The following CTNNA3 variants were observed in gnomAD, a reference collection of about 807,000 sequenced individuals.
CTNNA3 encodes catenin alpha 3.
CTNNA3 carries 76 observed loss-of-function variants against 95.7 expected under a neutral mutation model. That is an observed-to-expected ratio of 0.79 (90% CI 0.66 to 0.96). CTNNA3 has a LOEUF of 0.96. Ranked by LOEUF, CTNNA3 falls within the 40% of genes least tolerant of loss-of-function variation. CTNNA3 has a pLI of 0.00. For missense variants in CTNNA3, 1,191 were observed against 1,089.8 expected (o/e 1.09, Z -1.31); for synonymous variants, 431 against 374.4 (o/e 1.15, Z -1.74).
At chr10:67,403,942 A>G (rs1338149552) in intron 5 of CTNNA3, among the ~76,000 whole-genome samples, 2 of 152,230 alleles carry the variant, frequency 1.3e-5, no homozygotes, top group Non-Finnish European at 2.9e-5. Context: ...TAGGGTCTGA[A>G]GCAGCCGCCC....
chr10:66,172,580 T>A (rs1424395511), intron 13 of CTNNA3, among the ~76,000 whole-genome samples: 1 of 152,166 alleles, frequency 6.6e-6, no homozygotes, highest in Non-Finnish European at 1.5e-5. Context: ...TGACCATTAT[T>A]TGCGAGAAAA....
intron 5 of CTNNA3, among the ~76,000 whole-genome samples, chr10:67,407,071 G>A (rs190487423): frequency 6.6e-6 from 1 of 152,122 alleles, no homozygotes. Context: ...CATTCTATGA[G>A]GCCAGCATCA....
chr10:67,364,323 T>A (rs941741625), intron 5 of CTNNA3, among the ~76,000 whole-genome samples: 1 of 152,084 alleles, frequency 6.6e-6, no homozygotes, highest in Non-Finnish European at 1.5e-5. Flanking sequence ...ATGGAATGTA[T>A]CTCATAATAA....
At chr10:66,987,093 T>G (rs1198486011) in intron 7 of CTNNA3, among the ~76,000 whole-genome samples, 1 of 152,146 alleles carries the variant, frequency 6.6e-6, no homozygotes, top group Non-Finnish European at 1.5e-5. Context: ...GTGAAGTCCT[T>G]TTAGCATTTT....
At chr10:66,957,655 C>A (rs1020512415) in intron 7 of CTNNA3, among the ~76,000 whole-genome samples, 1 of 151,570 alleles carries the variant, frequency 6.6e-6, no homozygotes, top group African/African-American at 2.4e-5. Context: ...AAAGTTAATC[C>A]AGCAAACCTT....
chr10:66,145,937 T>A (rs1157180982), intron 13 of CTNNA3, among the ~76,000 whole-genome samples: 2 of 152,126 alleles, frequency 1.3e-5, no homozygotes, highest in Non-Finnish European at 2.9e-5. Flanking sequence ...CACTGCAACT[T>A]CTATCTCCCC....
intron 7 of CTNNA3, among the ~76,000 whole-genome samples, chr10:67,095,216 T>C (rs1324051755): frequency 2.6e-5 from 4 of 151,698 alleles, no homozygotes; most frequent in African/African-American, 4.8e-5. Context: ...CATCTTACTA[T>C]GTTATTTTAT....
At position 67,756,624 on chromosome 10, in the gene CTNNA3, G is replaced by A. The variant is rs143813015; in HGVS notation, c.-2+6810C>T. 7.2e-3 allele frequency among the ~76,000 whole-genome samples: 1,097 copies of A among 152,286 alleles called. 16 individuals are homozygous for A. Among genetic ancestry groups the A allele is most frequent in the African/African-American group, 0.025 (1,046 of 41,556 alleles). ...TTATATAATTCTATTTACATAAAAT[G>A]TAATAGGCAAACAGAATATAGAGAC... On this transcript the variant is annotated intron_variant, in intron 1 of 17. Coordinates refer to the CTNNA3 transcript ENST00000684154.
chr10:67,161,326 A>G (rs1861538056), intron 7 of CTNNA3, among the ~76,000 whole-genome samples: 2 of 151,918 alleles, frequency 1.3e-5, no homozygotes, highest in South Asian at 4.1e-4. Context: ...TGATAGTTGA[A>G]GCAAAAATTA....
At chr10:66,647,963 A>G (rs1412001314) in intron 9 of CTNNA3, among the ~76,000 whole-genome samples, 4 of 152,156 alleles carry the variant, frequency 2.6e-5, no homozygotes, top group Non-Finnish European at 5.9e-5. Context: ...GGAGAGCTTA[A>G]GTTGAACCCT....
chr10:66,387,008 G>A (rs1458528509), intron 11 of CTNNA3, among the ~76,000 whole-genome samples: 6 of 152,070 alleles, frequency 3.9e-5, no homozygotes, highest in Non-Finnish European at 5.9e-5. Flanking sequence ...AGAAAACCTA[G>A]GCAATACCAT....
At chr10:66,716,186 C>T (rs1269005412) in intron 9 of CTNNA3, among the ~76,000 whole-genome samples, 1 of 152,034 alleles carries the variant, frequency 6.6e-6, no homozygotes, top group Admixed American at 6.6e-5. Flanking sequence ...CCAAAATATA[C>T]TTATCGTGTA....
chr10:66,548,110 T>C (rs1415810379), intron 10 of CTNNA3, among the ~76,000 whole-genome samples: 2 of 151,970 alleles, frequency 1.3e-5, no homozygotes, highest in Non-Finnish European at 2.9e-5. Flanking sequence ...AGAGATGGGG[T>C]TTCTCCATGT....
chr10:67,566,741 C>A (rs187541936), intron 3 of CTNNA3, among the ~76,000 whole-genome samples: 8,484 of 151,660 alleles, frequency 0.056, 179 homozygotes, highest in South Asian at 0.13. Context: ...TTGCGGCACT[C>A]TTCACAAGAG....
chr10:66,672,096 A>G (rs1846681557), intron 9 of CTNNA3, among the ~76,000 whole-genome samples: 1 of 152,132 alleles, frequency 6.6e-6, no homozygotes, highest in African/African-American at 2.4e-5. Flanking sequence ...GCTGATCAAC[A>G]GAGAGAATGG....
rs576408862 is a variant in CTNNA3, at chr10:65,916,555, T to C, written c.*3775A>G. ...CAATCTCTAGGACAGAAATGAACATTTGATACCAAAATTTAAGAATGTTTT... is the reference window on the plus strand; with the variant it reads ...CAATCTCTAGGACAGAAATGAACATCTGATACCAAAATTTAAGAATGTTTT... On this transcript the variant is annotated 3_prime_UTR_variant, in exon 18 of 18. Transcript: ENST00000433211. The C allele has an allele frequency of 6.6e-6, 1 of 152,268 alleles. No homozygotes were observed. The highest frequency in any genetic ancestry group is 1.9e-4 in the East Asian group (1 of 5,184). 9.4% of individuals were successfully genotyped at this position (152,268 alleles called of 1,614,324 possible).
chr10:65,974,150 A>T (rs138755659), intron 16 of CTNNA3, among the ~76,000 whole-genome samples: 377 of 152,318 alleles, frequency 2.5e-3, no homozygotes, highest in African/African-American at 8.4e-3. Flanking sequence ...TGGGGATGTA[A>T]ATTAGTTCAG....
intron 9 of CTNNA3, among the ~76,000 whole-genome samples, chr10:66,749,202 C>CAAAAAAAAAA (rs35568730): frequency 5.9e-4 from 30 of 50,882 alleles, no homozygotes; most frequent in African/African-American, 1.4e-3. Flanking sequence ...AACTCCAACT[C>CAAAAAAAAAA]AAAAAAAAAA....
chr10:66,271,580 T>A (rs2091281964), intron 13 of CTNNA3, among the ~76,000 whole-genome samples: 1 of 152,178 alleles, frequency 6.6e-6, no homozygotes, highest in African/African-American at 2.4e-5. Flanking sequence ...GTAACCGTCT[T>A]CCCCATATTA....
Sources: gnomAD v4.1 joint callset for allele counts (sites outside exome capture counted in the v4.1 genomes callset) on GRCh38, gnomAD v4.1.1 for gene constraint, MANE v1.5 for transcripts, NCBI Gene and HGNC (gene_info 2026-07-23, HGNC 2026-07-21) for gene names.